The following CPAMD8 variants were observed in gnomAD, a reference collection of about 807,000 sequenced individuals.
CPAMD8 encodes the protein C3 and PZP-like alpha-2-macroglobulin domain-containing protein 8.
CPAMD8 carries 146 observed loss-of-function variants against 224.7 expected under a neutral mutation model. The ratio of observed to expected loss-of-function variants is 0.65; its 90% CI spans 0.57 to 0.75. CPAMD8 has a LOEUF of 0.75. Ranked by LOEUF, CPAMD8 falls within the 30% of genes least tolerant of loss-of-function variation. The pLI is 0.00. For missense variants in CPAMD8, 2,301 were observed against 2,537.5 expected, an observed-to-expected ratio of 0.91 and a Z score of 2.00; for synonymous variants, 966 against 1,044.6, an observed-to-expected ratio of 0.92 and a Z score of 1.45.
chr19:16,996,576 T>C (rs540151747), intron 11 of CPAMD8, among the ~76,000 whole-genome samples: 2 of 152,190 alleles, frequency 1.3e-5, no homozygotes, highest in South Asian at 4.2e-4. Flanking sequence ...CCCAGCACTT[T>C]GGGAGGCCAA....
At position 16,906,959 on chromosome 19, in the gene CPAMD8, G is replaced by C; in HGVS notation, c.4020C>G (p.Ile1340Met). 6.3e-7 allele frequency: 1 copy of C among 1,587,028 alleles called. No homozygotes were observed. The highest frequency in any genetic ancestry group is 8.6e-7 in the Non-Finnish European group (1 of 1,167,888). The part of the protein sequence containing the change: ...EALRKLRSLA[I>M]MRDGVTHWSL... ...AGGGCCAGGGACACCTACCTCGCATGATGGCCAGGCTACGGAGCTTGCGCA... is the reference window on the plus strand; with the variant it reads ...AGGGCCAGGGACACCTACCTCGCATCATGGCCAGGCTACGGAGCTTGCGCA... The change falls in exon 30 of 42, where the codon ATC (isoleucine) becomes ATG (methionine). Residue 1340 changes from isoleucine to methionine, a missense_variant. Ile to Met is a conservative substitution (Grantham distance 10, BLOSUM62 1). Around this residue, in one of 4 missense-constraint regions of CPAMD8, gnomAD observed 1,709 missense variants for 1,753.2 expected, o/e 0.97. Transcript: ENST00000443236.
intron 18 of CPAMD8, among the ~76,000 whole-genome samples, chr19:16,963,969 TA>T (rs1221156621): frequency 6.6e-6 from 1 of 152,108 alleles, no homozygotes; most frequent in African/African-American, 2.4e-5. Context: ...AAGGCAGAAA[TA>T]AAGATGTTCT....
intron 8 of CPAMD8, 48 bp from the exon 9 acceptor site, chr19:17,002,398 G>C: frequency 7.4e-7 from 1 of 1,352,652 alleles, no homozygotes; most frequent in Non-Finnish European, 1.0e-6. Flanking sequence ...TCCCTAAGGT[G>C]GCCTCAGGAG....
chr19:16,911,787 C>T (rs576785048), intron 29 of CPAMD8, among the ~76,000 whole-genome samples: 2 of 152,022 alleles, frequency 1.3e-5, no homozygotes, highest in African/African-American at 4.8e-5. Flanking sequence ...CCTTGTGATC[C>T]ACCGCCTCAG....
At chr19:16,969,772 G>A (rs973252555) in intron 18 of CPAMD8, among the ~76,000 whole-genome samples, 17 of 151,038 alleles carry the variant, frequency 1.1e-4, no homozygotes, top group Admixed American at 2.0e-4. Flanking sequence ...TACTCAGGAG[G>A]CTGAGGCAGG....
At chr19:16,926,448 G>T (rs956236125) in intron 25 of CPAMD8, among the ~76,000 whole-genome samples, 1 of 152,142 alleles carries the variant, frequency 6.6e-6, no homozygotes, top group Admixed American at 6.5e-5. Context: ...CTCCCAAGTA[G>T]CTGGGATTAC....
chr19:16,959,498 T>G (rs753938739), intron 18 of CPAMD8, among the ~76,000 whole-genome samples: 1 of 151,656 alleles, frequency 6.6e-6, no homozygotes, highest in Admixed American at 6.6e-5. Context: ...TCTAGTTCAG[T>G]GACATTGAGG....
chr19:17,018,901 T>G (rs1410802556), intron 3 of CPAMD8, among the ~76,000 whole-genome samples: 2 of 128,082 alleles, frequency 1.6e-5, no homozygotes, highest in South Asian at 2.4e-4. Context: ...GAGTGAGACT[T>G]CATCTCAAAA....
chr19:17,017,833 C>A lies in CPAMD8; in HGVS notation c.267+2498G>T, dbSNP rs552370082. Among the ~76,000 whole-genome samples the A allele has an allele frequency of 3.9e-5, 6 of 152,214 alleles. No individual in the cohort carries two copies. The East Asian group carries it at 7.7e-4, about 20-fold the overall frequency. On this transcript the variant is annotated intron_variant, in intron 3 of 41. Transcript: ENST00000443236. Reference sequence around the variant, plus strand: ...ATCAACTGAGGTCAGGAGTTTGAGACCAGCCTGGCCAACATGATGAAACCC... The same window carrying A: ...ATCAACTGAGGTCAGGAGTTTGAGAACAGCCTGGCCAACATGATGAAACCC...
chr19:17,014,305 C>T (rs751537025), intron 3 of CPAMD8, among the ~76,000 whole-genome samples: 6 of 152,054 alleles, frequency 3.9e-5, no homozygotes, highest in Non-Finnish European at 8.8e-5. Flanking sequence ...GTGATCCTCC[C>T]GACTCAGCCT....
At chr19:16,904,176 A>ACCCCCCCCCCCCCCCCCCCCCCC in intron 32 of CPAMD8, 50 bp downstream of exon 32, 5 of 937,336 alleles carry the variant, frequency 5.3e-6, no homozygotes, top group East Asian at 2.6e-5. Context: ...GACTGCAGGG[A>ACCCCCCCCCCCCCCCCCCCCCCC]CCCCACCCAC....
intron 8 of CPAMD8, among the ~76,000 whole-genome samples, chr19:17,003,288 T>A (rs2123055625): frequency 6.6e-6 from 1 of 151,604 alleles, no homozygotes; most frequent in South Asian, 2.1e-4. Flanking sequence ...GCAGCCTTGA[T>A]CTCCTGGGCT....
chr19:16,963,975 T>A (rs2054738385), intron 18 of CPAMD8, among the ~76,000 whole-genome samples: 1 of 152,190 alleles, frequency 6.6e-6, no homozygotes, highest in African/African-American at 2.4e-5. Context: ...GAAATAAAGA[T>A]GTTCTTTGAA....
chr19:17,012,321 A>G (rs566350789), intron 3 of CPAMD8, among the ~76,000 whole-genome samples: 31 of 146,022 alleles, frequency 2.1e-4, no homozygotes, highest in Middle Eastern at 3.8e-3. Context: ...ACCCGGCCAT[A>G]TCTTTTTTCT....
chr19:16,989,583 G>A, intron 13 of CPAMD8, 60 bp downstream of exon 13: 2 of 1,580,576 alleles, frequency 1.3e-6, no homozygotes, highest in Admixed American at 1.8e-5. Flanking sequence ...CACAGCACCT[G>A]GCTCATGCTG....
intron 23 of CPAMD8, among the ~76,000 whole-genome samples, chr19:16,932,163 C>T (rs1020596177): frequency 6.6e-6 from 1 of 152,140 alleles, no homozygotes; most frequent in African/African-American, 2.4e-5. Flanking sequence ...AGTGTGGTGG[C>T]TCACACCTCT....
chr19:16,946,400 T>C (rs2054088818), intron 21 of CPAMD8, among the ~76,000 whole-genome samples: 1 of 150,410 alleles, frequency 6.6e-6, no homozygotes, highest in African/African-American at 2.4e-5. Context: ...TATGCATGTC[T>C]ACACATGTGG....
chr19:16,939,901 GT>G (rs951268272), intron 22 of CPAMD8, among the ~76,000 whole-genome samples: 6 of 151,030 alleles, frequency 4.0e-5, no homozygotes, highest in South Asian at 2.1e-4. Context: ...GTTGTTTTGG[GT>G]TTTTTTTGTT....
chr19:16,926,931 C>T (rs1470449929), intron 25 of CPAMD8, among the ~76,000 whole-genome samples: 1 of 152,178 alleles, frequency 6.6e-6, no homozygotes, highest in Non-Finnish European at 1.5e-5. Context: ...ACCTACCTGC[C>T]TGAGTCCCAG....
Sources: allele counts gnomAD v4.1 joint callset (sites outside exome capture counted in the v4.1 genomes callset), GRCh38; gene constraint gnomAD v4.1.1; regional missense constraint gnomAD v4.1.1; transcripts MANE v1.5; gene names NCBI Gene and HGNC (gene_info 2026-07-23, HGNC 2026-07-21).